RSRC1: variants seen among roughly 807,000 people sequenced by gnomAD.
The protein encoded by RSRC1 is serine/Arginine-related protein 53.
In RSRC1, 39 loss-of-function variants were observed where a neutral mutation model predicts 49.1. That is an observed-to-expected ratio of 0.79 (90% CI 0.61 to 1.04). The LOEUF is 1.04. Among genes scored for constraint, RSRC1 ranks in the 50% least tolerant of loss-of-function variants. RSRC1 has a pLI of 0.00. For missense variants in RSRC1, 388 were observed against 402.4 expected (o/e 0.96, Z 0.31); for synonymous variants, 143 against 130.8 (o/e 1.09, Z -0.63).
chr3:158,197,710 T>G (rs1720725164), intron 3 of RSRC1, among the ~76,000 whole-genome samples: 1 of 152,226 alleles, frequency 6.6e-6, no homozygotes, highest in Admixed American at 6.5e-5. Context: ...CTCGTTGGTT[T>G]CAAAGAACAT....
In RSRC1 at chr3:158,344,476, G is replaced by A. The variant is rs1040558304; in HGVS notation, c.532-10381G>A. ...AAGTAACATCATTAAAATACCAAAA[G>A]AAAAGTTTTATAAAATTTGAATTCT... On this transcript the variant is annotated intron_variant, in intron 5 of 9. Coordinates refer to ENST00000611884, the MANE Select transcript of RSRC1 (RefSeq NM_001271838.2). 2.6e-5 allele frequency among the ~76,000 whole-genome samples: 4 copies of A among 152,062 alleles called. No individual in the cohort carries two copies. The East Asian group carries it at 5.8e-4, about 22-fold the overall frequency.
chr3:158,511,976 T>A (rs1316234734), intron 7 of RSRC1, among the ~76,000 whole-genome samples: 4,260 of 150,716 alleles, frequency 0.028, 78 homozygotes, highest in Non-Finnish European at 0.045. Flanking sequence ...GGTTGTTTTT[T>A]TCTTGTAAAT....
chr3:158,277,952 T>C (rs1725910079), intron 4 of RSRC1, among the ~76,000 whole-genome samples: 1 of 152,132 alleles, frequency 6.6e-6, no homozygotes, highest in African/African-American at 2.4e-5. Flanking sequence ...TGTGCCCACC[T>C]AAGGAGCATT....
At chr3:158,387,115 C>A (rs532004021) in intron 6 of RSRC1, among the ~76,000 whole-genome samples, 1 of 152,004 alleles carries the variant, frequency 6.6e-6, no homozygotes, top group African/African-American at 2.4e-5. Context: ...CCAGATATGA[C>A]CTCTGAGTAA....
chr3:158,187,646 T>G (rs2108260477), intron 3 of RSRC1, among the ~76,000 whole-genome samples: 1 of 152,134 alleles, frequency 6.6e-6, no homozygotes, highest in Middle Eastern at 3.4e-3. Flanking sequence ...CGATCCTGGT[T>G]TTACAGTTTA....
intron 7 of RSRC1, among the ~76,000 whole-genome samples, chr3:158,486,374 C>T (rs1410246663): frequency 2.0e-5 from 3 of 152,254 alleles, no homozygotes; most frequent in South Asian, 2.1e-4. Context: ...CCTATCTCTT[C>T]CAGGCACCAT....
Position 158,544,432 on chromosome 3 carries a change from G to A in RSRC1, c.*157G>A. ...GTCTCTCATGTAGGCTTGAATATTT[G>A]TTAATTTGAATTAAATCAAACATTG... On this transcript the variant is annotated 3_prime_UTR_variant, in exon 10 of 10. Transcript: ENST00000611884. 4.7e-6 allele frequency: 2 copies of A among 425,668 alleles called. No individual in the cohort carries two copies. Among genetic ancestry groups the A allele is most frequent in the South Asian group, 5.8e-5 (1 of 17,124 alleles). The allele number at this position is 425,668 out of a possible 1,614,324, so 26.4% of individuals were successfully genotyped here. A position where few individuals can be genotyped will look rare whatever the true frequency, so the allele number is the denominator to read the frequency against.
chr3:158,153,592 A>C (rs993836525), intron 3 of RSRC1, among the ~76,000 whole-genome samples: 3 of 152,208 alleles, frequency 2.0e-5, no homozygotes, highest in African/African-American at 7.2e-5. Flanking sequence ...ATTAAGGATA[A>C]ATAGATGGTG....
intron 1 of RSRC1, among the ~76,000 whole-genome samples, chr3:158,111,966 A>G (rs1342374213): frequency 2.0e-5 from 3 of 152,240 alleles, no homozygotes; most frequent in Non-Finnish European, 4.4e-5. Flanking sequence ...TGAACTTTAC[A>G]TTAAGATATT....
intron 5 of RSRC1, among the ~76,000 whole-genome samples, chr3:158,341,526 G>A (rs1439266315): frequency 1.3e-5 from 2 of 152,156 alleles, no homozygotes; most frequent in Non-Finnish European, 2.9e-5. Flanking sequence ...CATGAATTGA[G>A]GGTTGGGAAC....
intron 7 of RSRC1, among the ~76,000 whole-genome samples, chr3:158,516,898 G>A (rs979048295): frequency 4.6e-5 from 7 of 152,194 alleles, no homozygotes; most frequent in Non-Finnish European, 1.0e-4. Context: ...ACTAGGAAAC[G>A]GAACTCCCTG....
chr3:158,459,202 C>A (rs1428514057), intron 6 of RSRC1, among the ~76,000 whole-genome samples: 1 of 151,954 alleles, frequency 6.6e-6, no homozygotes, highest in Non-Finnish European at 1.5e-5. Context: ...AGCACCAGAG[C>A]CATTTGCAGT....
intron 6 of RSRC1, among the ~76,000 whole-genome samples, chr3:158,367,751 A>C (rs1731854135): frequency 6.6e-6 from 1 of 152,168 alleles, no homozygotes; most frequent in African/African-American, 2.4e-5. Context: ...TGACTTGGAC[A>C]TTAGTTAAAG....
At chr3:158,517,639 G>T (rs917889162) in intron 7 of RSRC1, among the ~76,000 whole-genome samples, 1 of 150,568 alleles carries the variant, frequency 6.6e-6, no homozygotes, top group Non-Finnish European at 1.5e-5. Flanking sequence ...GTTGCCCCAG[G>T]TAGAGTGCAG....
Position 158,369,023 on chromosome 3 carries a change from G to T in RSRC1, c.583+14115G>T, listed in dbSNP as rs182815768. 4.6e-5 allele frequency among the ~76,000 whole-genome samples: 7 copies of T among 152,124 alleles called. No homozygotes were observed. In the East Asian group the frequency reaches 1.4e-3, roughly 29 times the overall value. On this transcript the variant is annotated intron_variant, in intron 6 of 9. Transcript: ENST00000611884. The stretch of plus-strand genomic sequence containing the variant: ...GTAAAAATTCTAGTTTAGTGTAACA[G>T]AGCTTTTGAAAGGAGTATCAGATCA...
At chr3:158,114,462 A>T (rs1357352371) in intron 1 of RSRC1, among the ~76,000 whole-genome samples, 1 of 151,868 alleles carries the variant, frequency 6.6e-6, no homozygotes, top group African/African-American at 2.4e-5. Context: ...TTTGCTAAGG[A>T]TTGTCTTGGC....
At chr3:158,220,170 G>T (rs1462719975) in intron 4 of RSRC1, among the ~76,000 whole-genome samples, 1 of 151,658 alleles carries the variant, frequency 6.6e-6, no homozygotes, top group African/African-American at 2.4e-5. Flanking sequence ...GGAAGGGTTT[G>T]TATCCGTGGC....
intron 6 of RSRC1, among the ~76,000 whole-genome samples, chr3:158,405,875 T>C (rs1287441271): frequency 6.6e-6 from 1 of 152,176 alleles, no homozygotes; most frequent in Non-Finnish European, 1.5e-5. Context: ...TTTCCCCTTG[T>C]ACACTCTTAA....
chr3:158,508,518 T>G (rs894740880), intron 7 of RSRC1, among the ~76,000 whole-genome samples: 1 of 152,030 alleles, frequency 6.6e-6, no homozygotes, highest in Non-Finnish European at 1.5e-5. Context: ...TTTTTTTAAA[T>G]GCATATGTAG....
Sources: allele counts gnomAD v4.1 joint callset (sites outside exome capture counted in the v4.1 genomes callset), GRCh38; gene constraint gnomAD v4.1.1; transcripts MANE v1.5; gene names NCBI Gene and HGNC (gene_info 2026-07-23, HGNC 2026-07-21).